Variants in ST7 observed in about 807,000 individuals in gnomAD.
The protein encoded by ST7 is suppressor of tumorigenicity 7 protein.
In ST7, 28 loss-of-function variants were observed where a neutral mutation model predicts 78.7. The ratio of observed to expected loss-of-function variants is 0.36; its 90% confidence interval spans 0.26 to 0.49. The LOEUF is 0.49. ST7 is among the 20% of genes least tolerant of loss of function. The pLI is 0.99. For missense variants in ST7, 418 were observed against 696.0 expected (o/e 0.60, Z 4.49); for synonymous variants, 247 against 249.6 (o/e 0.99, Z 0.10).
intron 1 of ST7, among the ~76,000 whole-genome samples, chr7:116,969,553 C>T (rs1341519110): frequency 6.6e-6 from 1 of 152,094 alleles, no homozygotes; most frequent in East Asian, 1.9e-4. Flanking sequence ...TGTAAAGTTA[C>T]CCTTTACTTC....
In ST7 at chr7:117,106,183, A is replaced by G. The variant is rs112744291; in HGVS notation, c.234+6339A>G. ...CGGGCTAATTTTTTGTATTTTTAGT[A>G]GAGACGGGGTTTCACCTTGTTAGCC... On this transcript the variant is annotated intron_variant, in intron 2 of 15. Coordinates refer to ENST00000323984, the MANE Select transcript of ST7 (RefSeq NM_001369598.1). 6.7e-3 allele frequency among the ~76,000 whole-genome samples: 1,015 copies of G among 152,048 alleles called. 9 individuals are homozygous for G. Among genetic ancestry groups the G allele is most frequent in the African/African-American group, 0.023 (974 of 41,500 alleles).
chr7:117,069,832 C>G (rs1316071119), intron 1 of ST7, among the ~76,000 whole-genome samples: 2 of 152,180 alleles, frequency 1.3e-5, no homozygotes, highest in Non-Finnish European at 2.9e-5. Flanking sequence ...GCCCTAGAGA[C>G]AGAGATAGGA....
At chr7:117,195,090 A>G (rs1165353860) in intron 12 of ST7, among the ~76,000 whole-genome samples, 2 of 152,302 alleles carry the variant, frequency 1.3e-5, no homozygotes, top group African/African-American at 4.8e-5. Context: ...ATAAAAAACA[A>G]TCTACTCATA....
chr7:117,054,052 A>G (rs1174927054), intron 1 of ST7, among the ~76,000 whole-genome samples: 1 of 151,948 alleles, frequency 6.6e-6, no homozygotes, highest in Admixed American at 6.6e-5. Context: ...TGGCCAGGCT[A>G]GTTCCAAACT....
chr7:117,093,698 C>T (rs1800806785), intron 1 of ST7, among the ~76,000 whole-genome samples: 1 of 151,894 alleles, frequency 6.6e-6, no homozygotes, highest in Non-Finnish European at 1.5e-5. Context: ...GAGACTCCGT[C>T]TCAAAAAAAC....
intron 9 of ST7, among the ~76,000 whole-genome samples, chr7:117,168,035 G>A (rs941504945): frequency 6.6e-6 from 1 of 152,202 alleles, no homozygotes; most frequent in Non-Finnish European, 1.5e-5. Context: ...GGAGGCAGCA[G>A]AGGGTTCACT....
chr7:117,055,517 A>T (rs1346512061), intron 1 of ST7, among the ~76,000 whole-genome samples: 2 of 152,192 alleles, frequency 1.3e-5, no homozygotes, highest in Non-Finnish European at 2.9e-5. Flanking sequence ...GGTGCAGATA[A>T]ATTGAGTGAA....
chr7:117,098,072 A>C (rs1484634493), intron 1 of ST7, among the ~76,000 whole-genome samples: 1 of 150,884 alleles, frequency 6.6e-6, no homozygotes, highest in Non-Finnish European at 1.5e-5. Context: ...GACTGAACAC[A>C]TTGTGTTAGT....
intron 1 of ST7, chr7:116,967,249 G>A (rs1387864300): frequency 6.4e-6 from 3 of 470,348 alleles, no homozygotes; most frequent in Non-Finnish European, 1.3e-5. Flanking sequence ...GCCTGTTCTG[G>A]AAGACCCCAT....
In ST7 at chr7:117,219,027, T is replaced by C. The variant is rs1792894424; in HGVS notation, c.1406-57T>C. Reference sequence around the variant, plus strand: ...AATGCTCAAACGCCCCTTTTTGCAGTTGGGAAGTTATGACACAAACATTGG... The same window carrying C: ...AATGCTCAAACGCCCCTTTTTGCAGCTGGGAAGTTATGACACAAACATTGG... On this transcript the variant is annotated intron_variant, in intron 13 of 15. Transcript: ENST00000323984. The surrounding 1 kb of genome is among the most constrained non-coding windows in gnomAD (Gnocchi z 5.1). The C allele has an allele frequency of 3.5e-6, 5 of 1,441,594 alleles. No homozygotes were observed. The highest frequency in any genetic ancestry group is 4.8e-6 in the Non-Finnish European group (5 of 1,038,916). The allele number at this position is 1,441,594 out of a possible 1,614,324, so 89.3% of individuals were successfully genotyped here. A position where few individuals can be genotyped will look rare whatever the true frequency, so the allele number is the denominator to read the frequency against.
At chr7:117,089,679 C>T (rs879755963) in intron 1 of ST7, among the ~76,000 whole-genome samples, 1 of 150,698 alleles carries the variant, frequency 6.6e-6, no homozygotes, top group Non-Finnish European at 1.5e-5. Context: ...TCAAGCGATT[C>T]TCCTGCCTCA....
intron 12 of ST7, among the ~76,000 whole-genome samples, chr7:117,192,880 G>C (rs38886): frequency 0.13 from 19,417 of 152,098 alleles, 2,348 homozygotes; most frequent in African/African-American, 0.31. Flanking sequence ...TATCCTAAAA[G>C]TGGAAACATT....
intron 1 of ST7, among the ~76,000 whole-genome samples, chr7:117,050,144 C>T (rs901490272): frequency 1.3e-5 from 2 of 149,460 alleles, no homozygotes; most frequent in East Asian, 2.0e-4. Context: ...GAACCCGGGA[C>T]GTGGAGGTTG....
At chr7:117,098,343 TC>T (rs1187631331) in intron 1 of ST7, among the ~76,000 whole-genome samples, 2 of 151,948 alleles carry the variant, frequency 1.3e-5, no homozygotes, top group Non-Finnish European at 2.9e-5. Flanking sequence ...CCATCCCTCC[TC>T]CTGTCCACTT....
intron 1 of ST7, chr7:116,958,746 GTATTA>G (rs1246650752): frequency 1.3e-5 from 6 of 467,500 alleles, no homozygotes; most frequent in African/African-American, 1.0e-4. Flanking sequence ...ACACTATATT[GTATTA>G]TATTAAGAGT....
intron 10 of ST7, among the ~76,000 whole-genome samples, chr7:117,180,134 T>A (rs773903717): frequency 1.1e-4 from 16 of 152,158 alleles, no homozygotes; most frequent in Non-Finnish European, 2.2e-4. Flanking sequence ...TTCCGGGTAA[T>A]CTCTTAACTA....
At chr7:117,107,603 CTTTTTTTTTTT>C (rs71528121) in intron 2 of ST7, among the ~76,000 whole-genome samples, 9 of 73,576 alleles carry the variant, frequency 1.2e-4, no homozygotes, top group South Asian at 4.6e-4. Flanking sequence ...TAGCCCACTT[CTTTTTTTTTTT>C]TTTTTTTTTT....
chr7:117,090,527 T>G (rs1800532979), intron 1 of ST7, among the ~76,000 whole-genome samples: 1 of 152,158 alleles, frequency 6.6e-6, no homozygotes, highest in African/African-American at 2.4e-5. Context: ...TCCCAGAGCC[T>G]GGAGCACCTT....
In ST7 at chr7:117,219,202, T is replaced by C. The variant is rs1434080922; in HGVS notation, c.1498+26T>C. 6.4e-7 allele frequency: 1 copy of C among 1,569,452 alleles called. No homozygotes were observed. Among genetic ancestry groups the C allele is most frequent in the Non-Finnish European group, 8.7e-7 (1 of 1,143,704 alleles). ...GTAAGTCTCACCTCTCTTCAGCCAG[T>C]GAGGGTGTGTGGTGAAAGGTGGGGA... On this transcript the variant is annotated intron_variant, in intron 14 of 15. Transcript: ENST00000323984. This position sits in a 1 kb window ranked among gnomAD's most constrained non-coding sequence, Gnocchi z 5.1.
Sources: gnomAD v4.1 joint callset for allele counts (sites outside exome capture counted in the v4.1 genomes callset) on GRCh38, gnomAD v4.1.1 for gene constraint, Gnocchi (gnomAD v3.1) non-coding constraint, MANE v1.5 for transcripts, NCBI Gene and HGNC (gene_info 2026-07-23, HGNC 2026-07-21) for gene names.